The following LRRC4B variants were observed in gnomAD, a reference collection of about 807,000 sequenced individuals.
LRRC4B encodes leucine rich repeat containing 4B, also known as leucine-rich repeat-containing protein 4B.
LRRC4B carries 1 observed loss-of-function variant against 7.3 expected under a neutral mutation model. The ratio of observed to expected loss-of-function variants is 0.14; its 90% CI spans 0.05 to 0.65. The LOEUF (loss-of-function observed/expected upper bound fraction) is 0.65, where lower values mean the gene tolerates loss of function less well. LRRC4B is among the 30% of genes least tolerant of loss of function. The pLI, the probability that LRRC4B is intolerant of heterozygous loss-of-function variation, is 0.84. For synonymous variants in LRRC4B, 500 were observed against 499.2 expected, an observed-to-expected ratio of 1.00 and a Z score of -0.02; for missense variants, 730 against 1,041.6, an observed-to-expected ratio of 0.70 and a Z score of 4.12.
rs1980443737 is a variant in LRRC4B, at chr19:50,519,202, C to G, written c.511G>C (p.Glu171Gln). Residue 171 changes from glutamate (E) to glutamine (Q), a missense_variant, in exon 3 of 3, where the codon GAG (glutamate) becomes CAG (glutamine). Around this residue, in one of 6 missense-constraint regions of LRRC4B, gnomAD observed 226 missense variants for 448.0 expected, o/e 0.50. Transcript: ENST00000652263. This position sits in a 1 kb window ranked among gnomAD's most constrained non-coding sequence, Gnocchi z 8.1. ...TTGAAGGCGTAGGAGGGGATGCTCT[C>G]GATGGGGTTGTTCCGCAGCCAGAGC... ...RELWLRNNPI[E>Q]SIPSYAFNRV... 1.2e-6 allele frequency: 2 copies of G among 1,613,878 alleles called. No individual in the cohort carries two copies. Among genetic ancestry groups the G allele is most frequent in the Non-Finnish European group, 1.7e-6 (2 of 1,180,016 alleles).
In LRRC4B at chr19:50,567,774, C is replaced by T. The variant is rs573130452; in HGVS notation, c.-36+170G>A. 2.1e-5 allele frequency among the ~76,000 whole-genome samples: 3 copies of T among 146,100 alleles called. No homozygotes were observed. The East Asian group carries it at 6.2e-4, about 30-fold the overall frequency. On this transcript the variant is annotated intron_variant, in intron 1 of 2. Transcript: ENST00000652263. ...AGAACCCCCACCCAGTCGCCTCCCC[C>T]ACCGGCTTCTGCCTCCCATTAGGCC...
chr19:50,527,060 T>C (rs12984538), intron 2 of LRRC4B, among the ~76,000 whole-genome samples: 123 of 142,624 alleles, frequency 8.6e-4, no homozygotes, highest in Middle Eastern at 8.4e-3. Flanking sequence ...TGAGACAGAG[T>C]CTCGCTCTGT....
chr19:50,519,439 A>G lies in LRRC4B; in HGVS notation c.298-24T>C. The stretch of plus-strand genomic sequence containing the variant: ...ACCTGGGGAGAGGGAGACACGGATC[A>G]GTCACGGAGATACTGACGGGGACCG... On this transcript the variant is annotated intron_variant, in intron 2 of 2. Transcript: ENST00000652263. This position sits in a 1 kb window ranked among gnomAD's most constrained non-coding sequence, Gnocchi z 8.1. The G allele has an allele frequency of 6.5e-7, 1 of 1,545,254 alleles. No individual in the cohort carries two copies. The highest frequency in any genetic ancestry group is 8.7e-7 in the Non-Finnish European group (1 of 1,150,058).
intron 1 of LRRC4B, among the ~76,000 whole-genome samples, chr19:50,567,683 C>G (rs1204923697): frequency 6.7e-6 from 1 of 149,080 alleles, no homozygotes; most frequent in African/African-American, 2.5e-5. Flanking sequence ...GACGCACCCC[C>G]CACAACCTGT....
intron 1 of LRRC4B, among the ~76,000 whole-genome samples, chr19:50,554,944 TG>T: frequency 6.6e-6 from 1 of 152,152 alleles, no homozygotes; most frequent in African/African-American, 2.4e-5. Flanking sequence ...GCTGCCTGTG[TG>T]TGGGGGGCAG....
At position 50,555,040 on chromosome 19, in the gene LRRC4B, C is replaced by T. The variant is rs1982223666; in HGVS notation, c.-35-6167G>A. Among the ~76,000 whole-genome samples, 1 of 152,202 alleles carries T rather than the reference C, an allele frequency of 6.6e-6. No homozygotes were observed. Among genetic ancestry groups the T allele is most frequent in the African/African-American group, 2.4e-5 (1 of 41,456 alleles). On this transcript the variant is annotated intron_variant, in intron 1 of 2. Transcript: ENST00000652263. This position sits in a 1 kb window ranked among gnomAD's most constrained non-coding sequence, Gnocchi z 5.2. Reference sequence around the variant, plus strand: ...CCGCACTGCACAGGATATCACACGCCCGACACCCCACCACGGCTTCACGCC... The same window carrying T: ...CCGCACTGCACAGGATATCACACGCTCGACACCCCACCACGGCTTCACGCC...
Position 50,518,565 on chromosome 19 carries a change from A to G in LRRC4B, c.1148T>C (p.Leu383Pro). 2 of 1,590,654 alleles carry G rather than the reference A, an allele frequency of 1.3e-6. No homozygotes were observed. Among genetic ancestry groups the G allele is most frequent in the East Asian group, 2.2e-5 (1 of 44,570 alleles). The change falls in exon 3 of 3, where the codon CTC (leucine) becomes CCC (proline). Residue 383 changes from leucine (L) to proline (P), a missense_variant. By Grantham distance (98) the Leu-to-Pro change is moderately conservative (BLOSUM62 -3). This residue lies in a region of LRRC4B where 226 missense variants were observed against 448.0 expected (regional missense o/e 0.50). Coordinates refer to ENST00000652263, the MANE Select transcript of LRRC4B (RefSeq NM_001080457.2). The part of the protein sequence containing the change: ...LNVTEGMAAE[L>P]KCRTGTSMTS... Reference sequence around the variant, plus strand: ...CATGGAGGTGCCCGTGCGGCATTTGAGCTCGGCAGCCATGCCCTCGGTGAC... The same window carrying G: ...CATGGAGGTGCCCGTGCGGCATTTGGGCTCGGCAGCCATGCCCTCGGTGAC...
At chr19:50,541,864 C>T (rs959417503) in intron 2 of LRRC4B, among the ~76,000 whole-genome samples, 2 of 152,098 alleles carry the variant, frequency 1.3e-5, no homozygotes, top group Non-Finnish European at 2.9e-5. Flanking sequence ...GCCTCCGGGA[C>T]GTCCAGTCTC....
In LRRC4B at chr19:50,518,205, G is replaced by T. The variant is rs780604394; in HGVS notation, c.1508C>A (p.Ala503Asp). The change falls in exon 3 of 3, where the codon GCC (alanine) becomes GAC (aspartate). Residue 503 changes from alanine to aspartate, a missense_variant. Physicochemically the swap from Ala to Asp is moderately radical, Grantham distance 126. Transcript: ENST00000652263. ...ETLETQPGEE[A>D]LQPRGTEKEP... ...CTTCTCCGTCCCCCGCGGCTGCAGG[G>T]CCTCCTCTCCGGGCTGCGTCTCCAG... The T allele has an allele frequency of 6.2e-7, 1 of 1,608,924 alleles. No homozygotes were observed. The highest frequency in any genetic ancestry group is 2.2e-5 in the East Asian group (1 of 44,762).
chr19:50,536,228 G>C (rs1263356731), intron 2 of LRRC4B, among the ~76,000 whole-genome samples: 1 of 152,066 alleles, frequency 6.6e-6, no homozygotes, highest in Non-Finnish European at 1.5e-5. Flanking sequence ...TCGCCTCCCA[G>C]GTTCAAGCGA....
intron 2 of LRRC4B, among the ~76,000 whole-genome samples, chr19:50,543,333 C>G (rs1024445527): frequency 1.0e-5 from 1 of 95,964 alleles, no homozygotes; most frequent in African/African-American, 4.5e-5. Flanking sequence ...GTGCCAGGCC[C>G]TGGTGTGTGT....
At chr19:50,547,067 G>A (rs1043875393) in intron 2 of LRRC4B, among the ~76,000 whole-genome samples, 11 of 152,210 alleles carry the variant, frequency 7.2e-5, no homozygotes, top group East Asian at 1.9e-4. Context: ...CAGGGAAGCC[G>A]GGGGCAGGTG....
intron 2 of LRRC4B, among the ~76,000 whole-genome samples, chr19:50,530,417 C>A (rs757842214): frequency 6.6e-6 from 1 of 152,232 alleles, no homozygotes; most frequent in Non-Finnish European, 1.5e-5. Context: ...CCGGGCACTC[C>A]ACCTTTGCAC....
chr19:50,524,306 C>T (rs61306039), intron 2 of LRRC4B, among the ~76,000 whole-genome samples: 7,373 of 152,240 alleles, frequency 0.048, 547 homozygotes, highest in African/African-American at 0.16. Flanking sequence ...AGTGCAGTGG[C>T]GCAGTCTCGG....
rs1211683508 is a variant in LRRC4B at position 50,518,458 on chromosome 19, C to T, written c.1255G>A (p.Gly419Ser). The T allele has an allele frequency of 6.4e-7, 1 of 1,551,192 alleles. No homozygotes were observed. Among genetic ancestry groups the T allele is most frequent in the Non-Finnish European group, 8.7e-7 (1 of 1,149,032 alleles). ...GTGACGTTGGTGAAGTTAAGCGTGCCGTCATGCAGGACGGAGATGCGCACG... is the reference window on the plus strand; with the variant it reads ...GTGACGTTGGTGAAGTTAAGCGTGCTGTCATGCAGGACGGAGATGCGCACG... ...YRVRISVLHDGTLNFTNVTVQ... is the reference protein window; with the variant it reads ...YRVRISVLHDSTLNFTNVTVQ... Residue 419 changes from glycine (G) to serine (S), a missense_variant, in exon 3 of 3, where the codon GGC (glycine) becomes AGC (serine). Physicochemically the swap from Gly to Ser is moderately conservative, Grantham distance 56. Coordinates refer to ENST00000652263, the MANE Select transcript of LRRC4B (RefSeq NM_001080457.2).
At chr19:50,535,683 G>A (rs1398339099) in intron 2 of LRRC4B, among the ~76,000 whole-genome samples, 3 of 152,194 alleles carry the variant, frequency 2.0e-5, no homozygotes, top group Admixed American at 6.5e-5. Flanking sequence ...CTGATGCCAT[G>A]ACTGGCAGCA....
intron 2 of LRRC4B, among the ~76,000 whole-genome samples, chr19:50,535,259 G>A (rs975715600): frequency 2.6e-5 from 4 of 152,038 alleles, no homozygotes; most frequent in African/African-American, 7.2e-5. Flanking sequence ...TGCAGCCTCC[G>A]CCTCCTGGGT....
Position 50,519,317 on chromosome 19 carries a change from C to T in LRRC4B, c.396G>A (p.Gly132=). The T allele has an allele frequency of 6.2e-7, 1 of 1,613,526 alleles. No homozygotes were observed. The change falls in exon 3 of 3, where the codon GGG becomes GGA. Residue 132 remains glycine (G), a synonymous_variant. Coordinates refer to ENST00000652263, the MANE Select transcript of LRRC4B (RefSeq NM_001080457.2). This position sits in a 1 kb window ranked among gnomAD's most constrained non-coding sequence, Gnocchi z 8.1. ...GCTCCAGCGTGTTGAGGCTGGGCAG[C>T]CCGTTGAAGGCGCCCACCTCGATCT... ...VRKIEVGAFN[G]LPSLNTLELF... is the part of the protein sequence containing the mutation.
Position 50,517,323 on chromosome 19 carries a change from G to A in LRRC4B, c.*248C>T, listed in dbSNP as rs1980310571. The A allele has an allele frequency of 8.4e-6, 3 of 359,230 alleles. No individual in the cohort carries two copies. Among genetic ancestry groups the A allele is most frequent in the Non-Finnish European group, 1.5e-5 (3 of 201,100 alleles). 22.3% of individuals were successfully genotyped at this position (359,230 alleles called of 1,614,324 possible). A position where few individuals can be genotyped will look rare whatever the true frequency, so the allele number is the denominator to read the frequency against. ...TCAGGCCACTTCTCCTGGGTCCCAC[G>A]TCCCCTCCCGTCACCGGGGATTGGC... On this transcript the variant is annotated 3_prime_UTR_variant, in exon 3 of 3. Transcript: ENST00000652263. This position sits in a 1 kb window ranked among gnomAD's most constrained non-coding sequence, Gnocchi z 6.6.
Sources: gnomAD v4.1 joint callset for allele counts (sites outside exome capture counted in the v4.1 genomes callset) on GRCh38, gnomAD v4.1.1 for gene constraint, gnomAD v4.1.1 regional missense constraint, Gnocchi (gnomAD v3.1) non-coding constraint, MANE v1.5 for transcripts, NCBI Gene and HGNC (gene_info 2026-07-23, HGNC 2026-07-21) for gene names.